TRIM33: variants seen among roughly 807,000 people sequenced by gnomAD.
The protein encoded by TRIM33 is tripartite motif containing 33.
In TRIM33, 20 loss-of-function variants were observed where a neutral mutation model predicts 125.4. The ratio of observed to expected loss-of-function variants is 0.16; its 90% CI spans 0.11 to 0.23. The LOEUF (loss-of-function observed/expected upper bound fraction) is 0.23. TRIM33 is among the 10% of genes least tolerant of loss of function. The probability of loss-of-function intolerance (pLI) is 1.00; values close to 1 mark genes in which losing one functional copy is unlikely to be tolerated. For missense variants in TRIM33, 920 were observed against 1,411.4 expected (o/e 0.65, Z 5.58); for synonymous variants, 564 against 513.9 (o/e 1.10, Z -1.32).
At position 114,421,582 on chromosome 1, in the gene TRIM33, T is replaced by C. The variant is rs760467255; in HGVS notation, c.1915A>G (p.Thr639Ala). 1 of 1,614,148 alleles carries C rather than the reference T, an allele frequency of 6.2e-7. No individual in the cohort carries two copies. Among genetic ancestry groups the C allele is most frequent in the East Asian group, 2.2e-5 (1 of 44,884 alleles). ...PFPVVSVHNT[T>A]INPTSPTTAT... The stretch of plus-strand genomic sequence containing the variant: ...GTAGTAGGGCTCGTTGGGTTGATTG[T>C]GGTGTTGTGTACCGATACTACGGGA... Residue 639 changes from threonine to alanine, a missense_variant, in exon 11 of 20, where the codon ACA (threonine) becomes GCA (alanine). By Grantham distance (58) the Thr-to-Ala change is moderately conservative (BLOSUM62 0). Transcript: ENST00000358465.
intron 4 of TRIM33, among the ~76,000 whole-genome samples, chr1:114,453,351 G>A (rs1257648844): frequency 4.0e-5 from 6 of 149,088 alleles, no homozygotes; most frequent in South Asian, 2.1e-4. Flanking sequence ...GCAACAGAGA[G>A]AGTCTGTCTC....
chr1:114,411,176 G>T (rs1005520756), intron 11 of TRIM33, among the ~76,000 whole-genome samples: 5 of 151,854 alleles, frequency 3.3e-5, no homozygotes, highest in Non-Finnish European at 7.4e-5. Flanking sequence ...GAATAGCTAG[G>T]ACTACAGGCA....
intron 5 of TRIM33, 71 bp from the exon 6 acceptor site, chr1:114,430,983 A>C (rs1647915657): frequency 2.2e-6 from 2 of 898,304 alleles, no homozygotes; most frequent in Admixed American, 4.0e-5. Context: ...TGTTACAGAA[A>C]TTCATCCAAC....
In TRIM33 at chr1:114,408,242, CAAAT is replaced by C. The variant is rs147935334; in HGVS notation, c.2258+431_2258+434del. ...ACAAATTAACTGATAGTGATGTAAA[CAAAT>C]AAACTGATGGCAATGTATAGAGCTT... On this transcript the variant is annotated intron_variant, in intron 13 of 19. Transcript: ENST00000358465. Among the ~76,000 whole-genome samples, 352 of 152,070 alleles carry C rather than the reference CAAAT, an allele frequency of 2.3e-3. 2 individuals are homozygous for C. Among genetic ancestry groups the C allele is most frequent in the Non-Finnish European group, 2.5e-3 (170 of 67,956 alleles).
At chr1:114,489,057 G>C (rs1651891532) in intron 1 of TRIM33, among the ~76,000 whole-genome samples, 1 of 151,908 alleles carries the variant, frequency 6.6e-6, no homozygotes, top group African/African-American at 2.4e-5. Flanking sequence ...TTTTGTTGTT[G>C]TTTAATTTTG....
intron 4 of TRIM33, among the ~76,000 whole-genome samples, chr1:114,458,562 C>T (rs1219934650): frequency 6.6e-6 from 1 of 152,144 alleles, no homozygotes; most frequent in East Asian, 1.9e-4. Flanking sequence ...ATCAGCAGCA[C>T]CCATTCCCTA....
At position 114,397,623 on chromosome 1, in the gene TRIM33, A is replaced by AAATTTATTT; in HGVS notation, c.*24_*25insAAATAAATT. 1 of 1,138,168 alleles carries AAATTTATTT rather than the reference A, an allele frequency of 8.8e-7. No homozygotes were observed. The highest frequency in any genetic ancestry group is 2.6e-5 in the Admixed American group (1 of 39,176). 70.5% of individuals were successfully genotyped at this position (1,138,168 alleles called of 1,614,324 possible). A position where few individuals can be genotyped will look rare whatever the true frequency, so the allele number is the denominator to read the frequency against. On this transcript the variant is annotated 3_prime_UTR_variant, in exon 20 of 20. Coordinates refer to ENST00000358465, the MANE Select transcript of TRIM33 (RefSeq NM_015906.4). Reference sequence around the variant, plus strand: ...TTTTTTTTCGTTTTTTTTTTTTTAAACAATTGATTTAAATCCATGTCATTT... The same window carrying AAATTTATTT: ...TTTTTTTTCGTTTTTTTTTTTTTAAAAATTTATTTCAATTGATTTAAATCCATGTCATTT...
chr1:114,427,591 G>A (rs1273849167), intron 7 of TRIM33, among the ~76,000 whole-genome samples, 157 bp downstream of exon 7: 1 of 152,154 alleles, frequency 6.6e-6, no homozygotes, highest in East Asian at 1.9e-4. Context: ...CTAGTGGAAT[G>A]AGGAAACTTT....
intron 11 of TRIM33, among the ~76,000 whole-genome samples, chr1:114,420,870 A>T (rs529471811): frequency 6.6e-6 from 1 of 152,300 alleles, no homozygotes; most frequent in South Asian, 2.1e-4. Context: ...AGATCACTAA[A>T]ATTTATATCC....
At position 114,395,223 on chromosome 1, in the gene TRIM33, T is replaced by A; in HGVS notation, c.*2425A>T. 1 of 205,954 alleles carries A rather than the reference T, an allele frequency of 4.9e-6. No individual in the cohort carries two copies. The highest frequency in any genetic ancestry group is 9.9e-6 in the Non-Finnish European group (1 of 100,730). The allele number at this position is 205,954 out of a possible 1,614,324, so 12.8% of individuals were successfully genotyped here. On this transcript the variant is annotated 3_prime_UTR_variant, in exon 20 of 20. Coordinates refer to ENST00000358465, the MANE Select transcript of TRIM33 (RefSeq NM_015906.4). ...AATTTAATGGTGGTATGTTGATAGC[T>A]ATTAATAGTAATTCCTCAGCAGTAT...
At position 114,447,755 on chromosome 1, in the gene TRIM33, C is replaced by T. The variant is rs553953066; in HGVS notation, c.924-14022G>A. 2.0e-5 allele frequency among the ~76,000 whole-genome samples: 3 copies of T among 152,278 alleles called. No homozygotes were observed. In the South Asian group the frequency reaches 6.2e-4, roughly 32 times the overall value. ...AAGAAAATGAAAACAATGTGTTCTTCTGGTAGCCAAGTACATAAATGTGTT... is the reference window on the plus strand; with the variant it reads ...AAGAAAATGAAAACAATGTGTTCTTTTGGTAGCCAAGTACATAAATGTGTT... On this transcript the variant is annotated intron_variant, in intron 4 of 19. Transcript: ENST00000358465.
chr1:114,499,650 A>AG (rs1225100843), intron 1 of TRIM33, among the ~76,000 whole-genome samples: 1 of 152,186 alleles, frequency 6.6e-6, no homozygotes, highest in Non-Finnish European at 1.5e-5. Context: ...ACCTGACAGA[A>AG]GCAAATGCAA....
At chr1:114,451,609 G>A (rs1649318055) in intron 4 of TRIM33, among the ~76,000 whole-genome samples, 1 of 151,264 alleles carries the variant, frequency 6.6e-6, no homozygotes, top group African/African-American at 2.4e-5. Flanking sequence ...AAAGTAAATC[G>A]AAGACTTCAA....
intron 1 of TRIM33, among the ~76,000 whole-genome samples, chr1:114,481,383 G>T (rs1651322706): frequency 1.3e-5 from 2 of 151,972 alleles, no homozygotes; most frequent in Non-Finnish European, 2.9e-5. Flanking sequence ...ACGAGGTCAG[G>T]GGTTCAAGAC....
chr1:114,464,131 A>C, intron 2 of TRIM33, 139 bp downstream of exon 2: 1 of 509,976 alleles, frequency 2.0e-6, no homozygotes, highest in Non-Finnish European at 3.5e-6. Flanking sequence ...GTATATAAGA[A>C]AGCTATCTTT....
chr1:114,506,688 G>C (rs958511256), intron 1 of TRIM33, among the ~76,000 whole-genome samples: 11 of 152,170 alleles, frequency 7.2e-5, no homozygotes, highest in African/African-American at 2.2e-4. Flanking sequence ...ACTACTGATA[G>C]CTGTTCTGCC....
intron 1 of TRIM33, among the ~76,000 whole-genome samples, chr1:114,478,476 C>T (rs1317432791): frequency 6.6e-6 from 1 of 152,114 alleles, no homozygotes; most frequent in Non-Finnish European, 1.5e-5. Flanking sequence ...CTAAGATCAA[C>T]TCTCTATACA....
chr1:114,409,832 G>C (rs565683455), intron 12 of TRIM33, among the ~76,000 whole-genome samples: 2 of 152,282 alleles, frequency 1.3e-5, no homozygotes, highest in Admixed American at 1.3e-4. Flanking sequence ...TTTGAGAAAA[G>C]TAGATTATAT....
intron 8 of TRIM33, among the ~76,000 whole-genome samples, chr1:114,426,842 T>TA (rs1471486630): frequency 1.3e-5 from 2 of 152,202 alleles, no homozygotes; most frequent in African/African-American, 4.8e-5. Context: ...ATTAAACAAC[T>TA]AAAAATCTAT....
Sources: allele counts gnomAD v4.1 joint callset (sites outside exome capture counted in the v4.1 genomes callset), GRCh38; gene constraint gnomAD v4.1.1; transcripts MANE v1.5; gene names NCBI Gene and HGNC (gene_info 2026-07-23, HGNC 2026-07-21).